Variants in ARID4B observed in about 807,000 individuals in gnomAD.
ARID4B encodes AT-rich interactive domain-containing protein 4B.
Under a neutral mutation model 147.5 loss-of-function variants are expected in ARID4B, and 26 were observed. The ratio of observed to expected loss-of-function variants is 0.18; its 90% CI spans 0.13 to 0.24. ARID4B has a LOEUF of 0.24. Among genes scored for constraint, ARID4B ranks in the 10% least tolerant of loss-of-function variants. The pLI is 1.00. For missense variants in ARID4B, 1,179 were observed against 1,511.5 expected (o/e 0.78, Z 3.65); for synonymous variants, 512 against 507.9 (o/e 1.01, Z -0.11).
intron 8 of ARID4B, among the ~76,000 whole-genome samples, chr1:235,236,491 G>C (rs1352158421): frequency 1.4e-4 from 10 of 73,144 alleles, no homozygotes; most frequent in African/African-American, 5.3e-4. Context: ...TTACAAAACA[G>C]TTGTGTGTGT....
At chr1:235,274,370 C>T (rs1041144006) in intron 2 of ARID4B, among the ~76,000 whole-genome samples, 2 of 151,978 alleles carry the variant, frequency 1.3e-5, no homozygotes, top group Non-Finnish European at 1.5e-5. Flanking sequence ...GAGACTCCGA[C>T]TCAAAAATAA....
At chr1:235,314,544 T>TG (rs1372760441) in intron 2 of ARID4B, among the ~76,000 whole-genome samples, 1 of 152,196 alleles carries the variant, frequency 6.6e-6, no homozygotes, top group Non-Finnish European at 1.5e-5. Flanking sequence ...CAATGTTTAC[T>TG]GGGCACTTTA....
At chr1:235,201,692 T>C (rs1470086396) in intron 17 of ARID4B, among the ~76,000 whole-genome samples, 2 of 152,102 alleles carry the variant, frequency 1.3e-5, no homozygotes, top group African/African-American at 4.8e-5. Context: ...CAGACCAGCC[T>C]GGCTAACATG....
At chr1:235,309,695 G>A (rs1005877677) in intron 2 of ARID4B, among the ~76,000 whole-genome samples, 17 of 151,924 alleles carry the variant, frequency 1.1e-4, no homozygotes, top group African/African-American at 3.4e-4. Flanking sequence ...CATTGAGAAC[G>A]GGCCATGATG....
rs1663702356 is a variant in ARID4B at position 235,174,441 on chromosome 1, C to A, written c.3664+743G>T. ...AACCGGGATCCAAATAAGGTCTATA[C>A]ATTGTACATTAGTACATCTATTAAG... On this transcript the variant is annotated intron_variant, in intron 22 of 23. Coordinates refer to ENST00000264183, the MANE Select transcript of ARID4B (RefSeq NM_016374.6). Among the ~76,000 whole-genome samples the A allele has an allele frequency of 2.6e-5, 4 of 152,158 alleles. No homozygotes were observed. In the South Asian group the frequency reaches 8.3e-4, roughly 32 times the overall value.
At chr1:235,173,442 A>C (rs1663515309) in intron 22 of ARID4B, among the ~76,000 whole-genome samples, 1 of 152,072 alleles carries the variant, frequency 6.6e-6, no homozygotes, top group Non-Finnish European at 1.5e-5. Context: ...ACTGTGGATA[A>C]ATTTTTCTCT....
intron 7 of ARID4B, among the ~76,000 whole-genome samples, chr1:235,241,604 C>T (rs187968970): frequency 5.9e-5 from 9 of 152,160 alleles, no homozygotes; most frequent in African/African-American, 2.2e-4. Flanking sequence ...CTGCAAGCTC[C>T]GCCTCCTGGG....
intron 16 of ARID4B, among the ~76,000 whole-genome samples, chr1:235,219,172 T>C (rs758979005): frequency 2.6e-5 from 4 of 152,084 alleles, no homozygotes; most frequent in Admixed American, 6.6e-5. Flanking sequence ...GCCTGCTAAA[T>C]GATTTTTTTT....
At position 235,194,008 on chromosome 1, in the gene ARID4B, T is replaced by A; in HGVS notation, c.2125+5A>T. On this transcript the variant is annotated splice_donor_5th_base_variant and intron_variant, in intron 19 of 23. Coordinates refer to ENST00000264183, the MANE Select transcript of ARID4B (RefSeq NM_016374.6). ...CTTGCACAACAGAACGATTGTTATG[T>A]TTACCTTGAAGTCCATTAAGGATCG... 1 of 1,574,852 alleles carries A rather than the reference T, an allele frequency of 6.3e-7. No individual in the cohort carries two copies. Among genetic ancestry groups the A allele is most frequent in the Non-Finnish European group, 8.7e-7 (1 of 1,146,462 alleles).
Position 235,182,235 on chromosome 1 carries a change from T to G in ARID4B, c.2684A>C (p.Tyr895Ser), listed in dbSNP as rs1184682443. ...KRKSLRTTGFYSGFSEVAEKR... is the reference protein window; with the variant it reads ...KRKSLRTTGFSSGFSEVAEKR... ...TTCTGCCACTTCTGAAAATCCTGAATAGAAACCAGTTGTCCGTAGAGATTT... is the reference window on the plus strand; with the variant it reads ...TTCTGCCACTTCTGAAAATCCTGAAGAGAAACCAGTTGTCCGTAGAGATTT... Residue 895 changes from tyrosine (Y) to serine (S), a missense_variant, in exon 20 of 24, where the codon TAT becomes TCT. Tyr to Ser is a moderately radical substitution (Grantham distance 144, BLOSUM62 -2). Transcript: ENST00000264183. The G allele has an allele frequency of 6.2e-7, 1 of 1,613,444 alleles. No homozygotes were observed. Among genetic ancestry groups the G allele is most frequent in the Non-Finnish European group, 8.5e-7 (1 of 1,179,876 alleles).
At chr1:235,271,159 C>A (rs1670960529) in intron 2 of ARID4B, among the ~76,000 whole-genome samples, 1 of 151,872 alleles carries the variant, frequency 6.6e-6, no homozygotes, top group Non-Finnish European at 1.5e-5. Flanking sequence ...TTGAGACGAG[C>A]CTGGGCAACA....
At chr1:235,220,934 G>A (rs982515623) in intron 14 of ARID4B, among the ~76,000 whole-genome samples, 4 of 151,148 alleles carry the variant, frequency 2.6e-5, no homozygotes, top group Non-Finnish European at 5.9e-5. Flanking sequence ...GCCTTACTCT[G>A]TTGCCCAGGC....
intron 2 of ARID4B, among the ~76,000 whole-genome samples, chr1:235,323,511 G>A (rs188026199): frequency 1.2e-4 from 18 of 152,230 alleles, no homozygotes; most frequent in African/African-American, 3.8e-4. Flanking sequence ...TCGGCCGGGC[G>A]CAGTGGCTCA....
intron 6 of ARID4B, among the ~76,000 whole-genome samples, chr1:235,247,956 C>T (rs1444828851): frequency 6.6e-6 from 1 of 152,050 alleles, no homozygotes; most frequent in African/African-American, 2.4e-5. Flanking sequence ...CCATTGCACT[C>T]CAGCCTGTGC....
At chr1:235,326,717 A>G (rs535644550) in intron 2 of ARID4B, 197 bp downstream of exon 2, 6 of 622,012 alleles carry the variant, frequency 9.6e-6, no homozygotes, top group African/African-American at 7.5e-5. Context: ...TTCAGTTGAG[A>G]CATCCTATAA....
chr1:235,181,937 A>C lies in ARID4B; in HGVS notation c.2982T>G (p.Ser994Arg). 7.4e-6 allele frequency: 12 copies of C among 1,614,124 alleles called. No homozygotes were observed. Among genetic ancestry groups the C allele is most frequent in the Non-Finnish European group, 1.0e-5 (12 of 1,180,034 alleles). ...LEKPPPVNVD[S>R]KPIEEKTVEV... ...CTACTGTTTTTTCTTCAATGGGTTT[A>C]CTATCGACATTGACTGGAGGTGGTT... The change falls in exon 20 of 24, where the codon AGT (serine) becomes AGG (arginine). Residue 994 changes from serine to arginine, a missense_variant. Coordinates refer to ENST00000264183, the MANE Select transcript of ARID4B (RefSeq NM_016374.6).
intron 17 of ARID4B, among the ~76,000 whole-genome samples, chr1:235,212,300 G>C (rs1666767249): frequency 6.6e-6 from 1 of 152,082 alleles, no homozygotes; most frequent in African/African-American, 2.4e-5. Flanking sequence ...ACAGGTGAAA[G>C]GATAAATTGT....
intron 2 of ARID4B, among the ~76,000 whole-genome samples, chr1:235,264,307 C>T (rs1179810242): frequency 3.9e-5 from 6 of 152,278 alleles, no homozygotes; most frequent in African/African-American, 9.6e-5. Flanking sequence ...TAGAATGAAA[C>T]TGTCAAACTA....
chr1:235,270,722 C>A (rs1056818797), intron 2 of ARID4B, among the ~76,000 whole-genome samples: 1 of 152,228 alleles, frequency 6.6e-6, no homozygotes, highest in Non-Finnish European at 1.5e-5. Context: ...TCATGTAACA[C>A]AGCCAATCTA....
Sources: allele counts gnomAD v4.1 joint callset (sites outside exome capture counted in the v4.1 genomes callset), GRCh38; gene constraint gnomAD v4.1.1; transcripts MANE v1.5; gene names NCBI Gene and HGNC (gene_info 2026-07-23, HGNC 2026-07-21).